AGAP1: variants seen among roughly 807,000 people sequenced by gnomAD.
AGAP1 encodes ArfGAP with GTPase domain, ankyrin repeat and PH domain 1, also known as arf-GAP with GTPase, ANK repeat and PH domain-containing protein 1.
In AGAP1, 29 loss-of-function variants were observed where a neutral mutation model predicts 105.3. That is an observed-to-expected ratio of 0.28 (90% CI 0.21 to 0.38). The LOEUF (loss-of-function observed/expected upper bound fraction) is 0.38, where lower values mean the gene tolerates loss of function less well. Ranked by LOEUF, AGAP1 falls within the 10% of genes least tolerant of loss-of-function variation. AGAP1 has a pLI of 1.00. For synonymous variants in AGAP1, 509 were observed against 485.9 expected (o/e 1.05, Z -0.63); for missense variants, 998 against 1,165.1 (o/e 0.86, Z 2.09).
Position 236,047,715 on chromosome 2 carries a change from T to C in AGAP1, c.1892-1344T>C, listed in dbSNP as rs374429852. Among the ~76,000 whole-genome samples the C allele has an allele frequency of 2.4e-3, 344 of 142,646 alleles. 2 individuals carry two copies. Among genetic ancestry groups the C allele is most frequent in the African/African-American group, 8.6e-3 (324 of 37,852 alleles). The allele number at this position is 142,646 out of a possible 152,430, so 93.6% of individuals were successfully genotyped here. On this transcript the variant is annotated intron_variant, in intron 15 of 17. Transcript: ENST00000304032. The stretch of plus-strand genomic sequence containing the variant: ...CCTGAGTTCAAGCGATTCTCCAGCC[T>C]CAGCCTCTCAAGGAGCTGGGATTAC...
chr2:235,786,752 G>C (rs1450895853), intron 6 of AGAP1, among the ~76,000 whole-genome samples: 1 of 152,218 alleles, frequency 6.6e-6, no homozygotes, highest in Non-Finnish European at 1.5e-5. Flanking sequence ...GTGACGAGAA[G>C]AGCACAGCTC....
rs1946158704 is a variant in AGAP1 at position 235,612,435 on chromosome 2, A to T, written c.164-96744A>T. 6.6e-6 allele frequency among the ~76,000 whole-genome samples: 1 copy of T among 152,214 alleles called. No homozygotes were observed. The highest frequency in any genetic ancestry group is 6.5e-5 in the Admixed American group (1 of 15,284). On this transcript the variant is annotated intron_variant, in intron 1 of 17. Transcript: ENST00000304032. The surrounding 1 kb of genome is among the most constrained non-coding windows in gnomAD (Gnocchi z 4.3). The stretch of plus-strand genomic sequence containing the variant: ...TGGAGCCCTTGGCCCTGGTAATGAG[A>T]TCTCAGGGGCAGCGCCTAGAGTGCT...
Position 235,660,652 on chromosome 2 carries a change from G to A in AGAP1, c.164-48527G>A, listed in dbSNP as rs1947917985. ...GTTGAGCTCCATCCTGCTGATCCCA[G>A]CAGGAGATAGTGGCGAGACTGGGTA... is the stretch of plus-strand genomic sequence containing the variant. On this transcript the variant is annotated intron_variant, in intron 1 of 17. Transcript: ENST00000304032. This position sits in a 1 kb window ranked among gnomAD's most constrained non-coding sequence, Gnocchi z 5.3. Among the ~76,000 whole-genome samples the A allele has an allele frequency of 6.6e-6, 1 of 152,146 alleles. No homozygotes were observed. The highest frequency in any genetic ancestry group is 6.5e-5 in the Admixed American group (1 of 15,282).
chr2:236,077,277 G>T (rs555658764), intron 16 of AGAP1, among the ~76,000 whole-genome samples: 1 of 149,928 alleles, frequency 6.7e-6, no homozygotes. Context: ...CCTTTTTTGG[G>T]CTAAAACTAT....
intron 13 of AGAP1, among the ~76,000 whole-genome samples, chr2:235,969,091 C>T (rs1559707927): frequency 6.6e-6 from 1 of 152,230 alleles, no homozygotes; most frequent in Non-Finnish European, 1.5e-5. Flanking sequence ...ATGATAAACA[C>T]TTCTTCTGTT....
chr2:236,038,819 A>ATGTG lies in AGAP1; in HGVS notation c.1801-1905_1801-1902dup, dbSNP rs3030744. 1.5e-3 allele frequency among the ~76,000 whole-genome samples: 141 copies of ATGTG among 95,750 alleles called. 1 individual carries two copies. Among genetic ancestry groups the ATGTG allele is most frequent in the East Asian group, 0.013 (37 of 2,876 alleles). The allele number at this position is 95,750 out of a possible 152,430, so 62.8% of individuals were successfully genotyped here. A position where few individuals can be genotyped will look rare whatever the true frequency, so the allele number is the denominator to read the frequency against. ...GAGAGACAGAGGCACATCCCTTTGT[A>ATGTG]TGTGTGTGTGTGTGTGTGTGTGTGT... On this transcript the variant is annotated intron_variant, in intron 14 of 17. Coordinates refer to ENST00000304032, the MANE Select transcript of AGAP1 (RefSeq NM_001037131.3). This position sits in a 1 kb window ranked among gnomAD's most constrained non-coding sequence, Gnocchi z 4.5.
rs1217883626 is a variant in AGAP1, at chr2:235,670,977, G to A, written c.164-38202G>A. On this transcript the variant is annotated intron_variant, in intron 1 of 17. Transcript: ENST00000304032. Reference sequence around the variant, plus strand: ...CCACGGAGCGGAGCCTCGCGGCCACGCGGCTACTTCAGCCTGCGGCGGGCC... The same window carrying A: ...CCACGGAGCGGAGCCTCGCGGCCACACGGCTACTTCAGCCTGCGGCGGGCC... The A allele has an allele frequency of 2.3e-6, 3 of 1,318,906 alleles. No individual in the cohort carries two copies. In the South Asian group the frequency reaches 6.5e-5, roughly 28 times the overall value. The allele number at this position is 1,318,906 out of a possible 1,614,324, so 81.7% of individuals were successfully genotyped here. A position where few individuals can be genotyped will look rare whatever the true frequency, so the allele number is the denominator to read the frequency against.
At chr2:235,800,249 C>T (rs1171581206) in intron 8 of AGAP1, among the ~76,000 whole-genome samples, 6 of 151,698 alleles carry the variant, frequency 4.0e-5, no homozygotes, top group Non-Finnish European at 2.9e-5. Flanking sequence ...TAGGCACTCA[C>T]CACTACGTGT....
In AGAP1 at chr2:235,893,971, A is replaced by AACAC. The variant is rs141734557; in HGVS notation, c.1155+10535_1155+10538dup. On this transcript the variant is annotated intron_variant, in intron 10 of 17. Transcript: ENST00000304032. This position sits in a 1 kb window ranked among gnomAD's most constrained non-coding sequence, Gnocchi z 4.7. ...CCCTAAACTGACATAGGGTTGGGTG[A>AACAC]ACACACACACACACACGTAATCACT... Among the ~76,000 whole-genome samples, 19 of 151,440 alleles carry AACAC rather than the reference A, an allele frequency of 1.3e-4. No individual in the cohort carries two copies. Among genetic ancestry groups the AACAC allele is most frequent in the Admixed American group, 5.9e-4 (9 of 15,242 alleles).
rs1484947516 is a variant in AGAP1 at position 236,104,027 on chromosome 2, C to T, written c.2115-16165C>T. 2.0e-5 allele frequency among the ~76,000 whole-genome samples: 3 copies of T among 152,210 alleles called. No individual in the cohort carries two copies. Among genetic ancestry groups the T allele is most frequent in the Admixed American group, 6.5e-5 (1 of 15,280 alleles). ...TGTGGAGGGTTTTATCCCCTTTTTG[C>T]GGGTAGGGAAATTGAATATTCAAAC... On this transcript the variant is annotated intron_variant, in intron 16 of 17. Transcript: ENST00000304032. This position sits in a 1 kb window ranked among gnomAD's most constrained non-coding sequence, Gnocchi z 4.7.
At chr2:235,643,457 A>AAAAAGAG (rs1553595203) in intron 1 of AGAP1, among the ~76,000 whole-genome samples, 1 of 140,402 alleles carries the variant, frequency 7.1e-6, no homozygotes, top group African/African-American at 2.7e-5. Flanking sequence ...AAAAAAAAAA[A>AAAAAGAG]AAAGAAAGAA....
At chr2:236,103,603 G>T (rs2059413746) in intron 16 of AGAP1, among the ~76,000 whole-genome samples, 1 of 145,432 alleles carries the variant, frequency 6.9e-6, no homozygotes, top group Non-Finnish European at 1.5e-5. Context: ...GAGTCTTGCT[G>T]TGTTGTCCAG....
Position 235,812,876 on chromosome 2 carries a change from C to T in AGAP1, c.1050+5545C>T, listed in dbSNP as rs138707655. ...ACGTGGCAAATCAGCTCTGCCTGGG[C>T]GTAGGGGCCCGTTTTGCTCCCCAGA... On this transcript the variant is annotated intron_variant, in intron 9 of 17. Transcript: ENST00000304032. Among the ~76,000 whole-genome samples, 164 of 152,324 alleles carry T rather than the reference C, an allele frequency of 1.1e-3. 1 individual carries two copies. In the East Asian group the frequency reaches 0.019, roughly 18 times the overall value.
rs2049508258 is a variant in AGAP1 at position 235,872,743 on chromosome 2, C to G, written c.1051-10602C>G. Among the ~76,000 whole-genome samples the G allele has an allele frequency of 6.6e-6, 1 of 152,216 alleles. No individual in the cohort carries two copies. On this transcript the variant is annotated intron_variant, in intron 9 of 17. Transcript: ENST00000304032. This position sits in a 1 kb window ranked among gnomAD's most constrained non-coding sequence, Gnocchi z 4.5. ...GGGGGCCACCTTAGTACCACTTCCTCCCTAAGGAAAGCGACGGGCCCCCTG... is the reference window on the plus strand; with the variant it reads ...GGGGGCCACCTTAGTACCACTTCCTGCCTAAGGAAAGCGACGGGCCCCCTG...
Position 235,883,013 on chromosome 2 carries a change from G to A in AGAP1, c.1051-332G>A, listed in dbSNP as rs115809495. 7.8e-3 allele frequency among the ~76,000 whole-genome samples: 1,190 copies of A among 151,776 alleles called. 21 individuals carry two copies. Among genetic ancestry groups the A allele is most frequent in the African/African-American group, 0.027 (1,117 of 41,386 alleles). ...ATTTATTTATTTTTTTAGAGATGGG[G>A]GTGTCAGCATCTTACCCAGGCTGGT... On this transcript the variant is annotated intron_variant, in intron 9 of 17. Coordinates refer to ENST00000304032, the MANE Select transcript of AGAP1 (RefSeq NM_001037131.3). The surrounding 1 kb of genome is among the most constrained non-coding windows in gnomAD (Gnocchi z 4.5).
At position 235,633,180 on chromosome 2, in the gene AGAP1, T is replaced by G. The variant is rs985919427; in HGVS notation, c.164-75999T>G. Among the ~76,000 whole-genome samples, 1 of 152,122 alleles carries G rather than the reference T, an allele frequency of 6.6e-6. No homozygotes were observed. Among genetic ancestry groups the G allele is most frequent in the African/African-American group, 2.4e-5 (1 of 41,426 alleles). Reference sequence around the variant, plus strand: ...AGAAAAGCATTATACATTTACTTGATCCTGGTTTTACGGCATGCGGGAGCC... The same window carrying G: ...AGAAAAGCATTATACATTTACTTGAGCCTGGTTTTACGGCATGCGGGAGCC... On this transcript the variant is annotated intron_variant, in intron 1 of 17. Transcript: ENST00000304032. This position sits in a 1 kb window ranked among gnomAD's most constrained non-coding sequence, Gnocchi z 4.8.
chr2:235,598,960 G>T (rs1017974798), intron 1 of AGAP1, among the ~76,000 whole-genome samples: 1 of 152,174 alleles, frequency 6.6e-6, no homozygotes, highest in South Asian at 2.1e-4. Flanking sequence ...TAAATATTTG[G>T]CTGGGCAGAT....
At chr2:235,644,960 A>C (rs1015323000) in intron 1 of AGAP1, among the ~76,000 whole-genome samples, 1 of 151,118 alleles carries the variant, frequency 6.6e-6, no homozygotes, top group Non-Finnish European at 1.5e-5. Flanking sequence ...CAATGGCGCG[A>C]TCTGGGCTCA....
chr2:235,941,747 G>T (rs556031587), intron 12 of AGAP1, among the ~76,000 whole-genome samples: 1 of 152,130 alleles, frequency 6.6e-6, no homozygotes, highest in African/African-American at 2.4e-5. Context: ...GGACACATCA[G>T]TTGATCCAAT....
Sources: allele counts gnomAD v4.1 joint callset (sites outside exome capture counted in the v4.1 genomes callset), GRCh38; gene constraint gnomAD v4.1.1; non-coding constraint Gnocchi (gnomAD v3.1); transcripts MANE v1.5; gene names NCBI Gene and HGNC (gene_info 2026-07-23, HGNC 2026-07-21).